Variants in SERPINB9 observed in about 807,000 individuals in gnomAD.
The protein encoded by SERPINB9 is serpin family B member 9.
Under a neutral mutation model 27.2 loss-of-function variants are expected in SERPINB9, and 20 were observed. The ratio of observed to expected loss-of-function variants is 0.74; its 90% CI spans 0.52 to 1.07. The LOEUF (loss-of-function observed/expected upper bound fraction) is 1.07, where lower values mean the gene tolerates loss of function less well. SERPINB9 is among the 50% of genes least tolerant of loss of function. The pLI is 0.00. For missense variants in SERPINB9, 476 were observed against 460.1 expected, an observed-to-expected ratio of 1.03 and a Z score of -0.32; for synonymous variants, 189 against 180.0, an observed-to-expected ratio of 1.05 and a Z score of -0.40.
Position 2,891,708 on chromosome 6 carries a change from C to T in SERPINB9, c.723+125G>A. On this transcript the variant is annotated intron_variant, in intron 6 of 6. Coordinates refer to ENST00000380698, the MANE Select transcript of SERPINB9 (RefSeq NM_004155.6). This position sits in a 1 kb window ranked among gnomAD's most constrained non-coding sequence, Gnocchi z 4.0. ...TTGAACAAAAGTTCGATCCCAACGC[C>T]AAGTGCCTGCACAGTGTGCGTCTGC... 8.9e-7 allele frequency: 1 copy of T among 1,122,214 alleles called. No individual in the cohort carries two copies. The highest frequency in any genetic ancestry group is 1.2e-6 in the Non-Finnish European group (1 of 813,344). 69.5% of individuals were successfully genotyped at this position (1,122,214 alleles called of 1,614,324 possible).
chr6:2,893,338 C>A, intron 5 of SERPINB9, 73 bp downstream of exon 5: 1 of 1,481,554 alleles, frequency 6.7e-7, no homozygotes, highest in Non-Finnish European at 9.2e-7. Context: ...ATGTCACTTA[C>A]ACTTTTACAA....
chr6:2,895,368 G>T, intron 4 of SERPINB9, 23 bp downstream of exon 4: 2 of 1,506,954 alleles, frequency 1.3e-6, no homozygotes, highest in Non-Finnish European at 1.8e-6. Flanking sequence ...TGGGAGGAAG[G>T]TGCAATAACT....
intron 2 of SERPINB9, among the ~76,000 whole-genome samples, chr6:2,896,771 AC>A (rs1176620375): frequency 3.3e-5 from 5 of 152,270 alleles, no homozygotes; most frequent in African/African-American, 1.2e-4. Context: ...TAAAATGCCA[AC>A]AAAATGAAAA....
chr6:2,893,540 C>T lies in SERPINB9; in HGVS notation c.438G>A (p.Glu146=), dbSNP rs182149436. 5.2e-5 allele frequency: 84 copies of T among 1,611,870 alleles called. 1 individual carries two copies. In the East Asian group the frequency reaches 1.9e-3, roughly 36 times the overall value. ...CATCAATTGAGCTACCCGGCAACAA[C>T]TCTTCAATTTTACCTTTCAAGAAAA... ...VSKKTEGKIE[E]LLPGSSIDAE... is the part of the protein sequence containing the mutation. Residue 146 remains glutamate (E), a synonymous_variant, in exon 5 of 7, where the codon GAG becomes GAA. Transcript: ENST00000380698.
At chr6:2,900,317 C>CGTGCA in intron 2 of SERPINB9, 127 bp downstream of exon 2, 1 of 1,132,258 alleles carries the variant, frequency 8.8e-7, no homozygotes, top group Non-Finnish European at 1.3e-6. Context: ...CTCCCTGAAA[C>CGTGCA]GGCCAGTGCA....
chr6:2,890,423 C>A lies in SERPINB9; in HGVS notation c.871G>T (p.Asp291Tyr). The change falls in exon 7 of 7, where the codon GAT becomes TAT. Residue 291 changes from aspartate (D) to tyrosine (Y), a missense_variant. Asp to Tyr is a radical substitution (Grantham distance 160). Coordinates refer to ENST00000380698, the MANE Select transcript of SERPINB9 (RefSeq NM_004155.6). This position sits in a 1 kb window ranked among gnomAD's most constrained non-coding sequence, Gnocchi z 6.2. ...ESVLRHLGIV[D>Y]AFQQGKADLS... ...TCAGCCTTGCCCTGTTGGAAGGCAT[C>A]AACAATTCCCAAATGCCGAAGCACA... 1 of 1,614,216 alleles carries A rather than the reference C, an allele frequency of 6.2e-7. No homozygotes were observed. Among genetic ancestry groups the A allele is most frequent in the South Asian group, 1.1e-5 (1 of 91,080 alleles).
Sources: gnomAD v4.1 joint callset for allele counts (sites outside exome capture counted in the v4.1 genomes callset) on GRCh38, gnomAD v4.1.1 for gene constraint, Gnocchi (gnomAD v3.1) non-coding constraint, MANE v1.5 for transcripts, NCBI Gene and HGNC (gene_info 2026-07-23, HGNC 2026-07-21) for gene names.